The following UNC13C variants were observed in gnomAD, a reference collection of about 807,000 sequenced individuals.
UNC13C encodes the protein protein unc-13 homolog C.
Under a neutral mutation model 245.4 loss-of-function variants are expected in UNC13C, and 174 were observed. That is an observed-to-expected ratio of 0.71 (90% CI 0.63 to 0.80). The LOEUF (loss-of-function observed/expected upper bound fraction) is 0.80, where lower values mean the gene tolerates loss of function less well. Ranked by LOEUF, UNC13C falls within the 30% of genes least tolerant of loss-of-function variation. The pLI, the probability that UNC13C is intolerant of heterozygous loss-of-function variation, is 0.00. For missense variants in UNC13C, 2,829 were observed against 2,602.9 expected (o/e 1.09, Z -1.89); for synonymous variants, 992 against 895.1 (o/e 1.11, Z -1.93).
intron 19 of UNC13C, among the ~76,000 whole-genome samples, chr15:54,484,082 GA>G (rs34344522): frequency 0.42 from 62,486 of 150,034 alleles, 13,175 homozygotes; most frequent in East Asian, 0.63. Flanking sequence ...TGGCTTCCCT[GA>G]AAAAAAAAAA....
intron 28 of UNC13C, among the ~76,000 whole-genome samples, chr15:54,553,361 A>ATT (rs1566906062): frequency 8.1e-6 from 1 of 123,458 alleles, no homozygotes; most frequent in Non-Finnish European, 1.6e-5. Flanking sequence ...TATATAATAT[A>ATT]ATATATAATT....
At chr15:53,860,279 G>A in the UNC13C span, among the ~76,000 whole-genome samples, 70,374 of 151,748 alleles carry the variant, frequency 0.46, 16,552 homozygotes, top group Middle Eastern at 0.58. Flanking sequence ...TCATTTTCAA[G>A]CAATATTTTA....
chr15:54,482,063 C>T (rs1056901394), intron 19 of UNC13C, among the ~76,000 whole-genome samples: 3 of 152,092 alleles, frequency 2.0e-5, no homozygotes, highest in Admixed American at 1.3e-4. Context: ...TACACTTTGT[C>T]TCGCTTTTTT....
chr15:54,131,744 A>T (rs1430803194), intron 2 of UNC13C, among the ~76,000 whole-genome samples: 1 of 152,190 alleles, frequency 6.6e-6, no homozygotes, highest in South Asian at 2.1e-4. Context: ...GCTGACTCCT[A>T]TAAAATATGT....
intron 11 of UNC13C, 61 bp downstream of exon 11, chr15:54,294,125 A>G: frequency 1.5e-6 from 2 of 1,361,774 alleles, no homozygotes; most frequent in Non-Finnish European, 1.9e-6. Flanking sequence ...TACCTGTGGC[A>G]TGTATTACAT....
chr15:54,054,034 C>T (rs928988976), intron 2 of UNC13C, among the ~76,000 whole-genome samples: 4 of 152,174 alleles, frequency 2.6e-5, no homozygotes, highest in Admixed American at 2.6e-4. Flanking sequence ...TGATGATAGA[C>T]ACTTAGGTTG....
chr15:53,921,367 T>C, the UNC13C span, among the ~76,000 whole-genome samples: 4 of 152,312 alleles, frequency 2.6e-5, 1 homozygote, highest in Middle Eastern at 3.4e-3. Flanking sequence ...GCCATATTAT[T>C]ATATAGCTCT....
chr15:53,864,853 G>A, the UNC13C span, among the ~76,000 whole-genome samples: 1 of 152,156 alleles, frequency 6.6e-6, no homozygotes, highest in East Asian at 1.9e-4. Flanking sequence ...TGACTATCAT[G>A]CAATTCGGTT....
At chr15:54,613,832 C>T (rs903632573) in intron 30 of UNC13C, among the ~76,000 whole-genome samples, 18 of 151,840 alleles carry the variant, frequency 1.2e-4, no homozygotes, top group Non-Finnish European at 2.5e-4. Flanking sequence ...CTAGTACGTA[C>T]TAGGAACTGT....
intron 19 of UNC13C, among the ~76,000 whole-genome samples, chr15:54,438,304 T>C (rs1890330712): frequency 6.6e-6 from 1 of 151,860 alleles, no homozygotes; most frequent in South Asian, 2.1e-4. Flanking sequence ...TACTAAAATA[T>C]GGATGGAATA....
rs543353315 is a variant in UNC13C at position 54,012,972 on chromosome 15, A to G, written c.69A>G (p.Thr23=). Residue 23 remains threonine, a synonymous_variant, in exon 2 of 33, where the codon ACA becomes ACG. Transcript: ENST00000260323. ...YIHKLCKGMF[T]KKLGNTNKNK... Reference sequence around the variant, plus strand: ...ATAAGCTTTGCAAAGGAATGTTTACAAAGAAATTGGGAAATACAAACAAAA... The same window carrying G: ...ATAAGCTTTGCAAAGGAATGTTTACGAAGAAATTGGGAAATACAAACAAAA... 6.2e-7 allele frequency: 1 copy of G among 1,613,770 alleles called. No homozygotes were observed. The highest frequency in any genetic ancestry group is 8.5e-7 in the Non-Finnish European group (1 of 1,179,794).
intron 2 of UNC13C, among the ~76,000 whole-genome samples, chr15:54,088,240 A>C (rs1899358591): frequency 7.4e-6 from 1 of 134,358 alleles, no homozygotes; most frequent in Non-Finnish European, 1.5e-5. Flanking sequence ...CCCCTCATCC[A>C]ATCAGCCAGT....
intron 2 of UNC13C, among the ~76,000 whole-genome samples, chr15:54,115,966 C>G (rs1595874689): frequency 7.6e-6 from 1 of 131,386 alleles, no homozygotes; most frequent in South Asian, 2.3e-4. Flanking sequence ...AAGATGCCAC[C>G]TCATTGGGTT....
intron 19 of UNC13C, among the ~76,000 whole-genome samples, chr15:54,473,639 T>C (rs1213317399): frequency 1.3e-5 from 2 of 151,984 alleles, no homozygotes; most frequent in Non-Finnish European, 2.9e-5. Flanking sequence ...TCTGGTTCCA[T>C]CTATGTTGCT....
intron 2 of UNC13C, among the ~76,000 whole-genome samples, chr15:54,082,559 CT>C (rs1310768402): frequency 6.6e-6 from 1 of 152,004 alleles, no homozygotes; most frequent in Non-Finnish European, 1.5e-5. Context: ...ACTTTAAATT[CT>C]TTATCTGTCA....
intron 26 of UNC13C, among the ~76,000 whole-genome samples, chr15:54,544,072 C>A (rs1163236674): frequency 1.3e-5 from 2 of 152,180 alleles, no homozygotes; most frequent in Non-Finnish European, 2.9e-5. Context: ...CCAAATCCAG[C>A]AGCACATCAA....
At chr15:54,017,351 G>C (rs572891825) in intron 2 of UNC13C, among the ~76,000 whole-genome samples, 16 of 152,214 alleles carry the variant, frequency 1.1e-4, no homozygotes, top group African/African-American at 3.9e-4. Context: ...TGATTTTTGA[G>C]AGTCGGATAT....
At chr15:54,342,910 T>C (rs893453215) in intron 17 of UNC13C, among the ~76,000 whole-genome samples, 1 of 152,222 alleles carries the variant, frequency 6.6e-6, no homozygotes, top group Non-Finnish European at 1.5e-5. Flanking sequence ...TTAGATATGC[T>C]TAGTTTTAAA....
chr15:54,489,012 G>T lies in UNC13C; in HGVS notation c.4934-5596G>T, dbSNP rs1223157473. Among the ~76,000 whole-genome samples, 4 of 152,074 alleles carry T rather than the reference G, an allele frequency of 2.6e-5. 1 individual carries two copies. Among genetic ancestry groups the T allele is most frequent in the East Asian group, 1.9e-4 (1 of 5,184 alleles). Reference sequence around the variant, plus strand: ...ATTTGAGTAGAAATAAAGGTAATTTGAACTATATTTTTGAATTTGATATGA... The same window carrying T: ...ATTTGAGTAGAAATAAAGGTAATTTTAACTATATTTTTGAATTTGATATGA... On this transcript the variant is annotated intron_variant, in intron 19 of 32. Transcript: ENST00000260323.
Sources: gnomAD v4.1 joint callset for allele counts (sites outside exome capture counted in the v4.1 genomes callset) on GRCh38, gnomAD v4.1.1 for gene constraint, MANE v1.5 for transcripts, NCBI Gene and HGNC (gene_info 2026-07-23, HGNC 2026-07-21) for gene names.